The following ADA2 variants were observed in gnomAD, a reference collection of about 807,000 sequenced individuals.
ADA2 encodes adenosine deaminase 2, also known as adenosine deaminase CECR1.
In ADA2, 29 loss-of-function variants were observed where a neutral mutation model predicts 44.2. The ratio of observed to expected loss-of-function variants is 0.66; its 90% CI spans 0.49 to 0.89. The LOEUF is 0.89. Among genes scored for constraint, ADA2 ranks in the 40% least tolerant of loss-of-function variants. The probability of loss-of-function intolerance (pLI) is 0.00; values close to 1 mark genes in which losing one functional copy is unlikely to be tolerated. For missense variants in ADA2, 637 were observed against 644.8 expected (o/e 0.99, Z 0.13); for synonymous variants, 215 against 234.9 (o/e 0.92, Z 0.77).
chr22:17,190,115 T>C, intron 5 of ADA2, 83 bp from the exon 6 acceptor site: 2 of 1,131,658 alleles, frequency 1.8e-6, no homozygotes, highest in South Asian at 2.5e-5. Context: ...CGTGCAGGGC[T>C]GGGCCAGCCC....
chr22:17,199,555 C>G, intron 4 of ADA2: 1 of 1,614,044 alleles, frequency 6.2e-7, no homozygotes, highest in East Asian at 2.2e-5. Context: ...CTACCAGAGC[C>G]CAGTTCCATT....
chr22:17,203,563 C>A lies in ADA2; in HGVS notation c.753G>T (p.Pro251=), dbSNP rs369924229. The change falls in exon 4 of 10, where the codon CCG becomes CCT. Residue 251 remains proline (P), a splice_region_variant and synonymous_variant. Coordinates refer to ENST00000399837, the MANE Select transcript of ADA2 (RefSeq NM_001282225.2). ...LYMEIRARLL[P]VYELSGEHHD... is the part of the protein sequence containing the mutation. Reference sequence around the variant, plus strand: ...GAACAGAGAGGAGAGCTGGGCTCACCGGCAGCAGCCTGGCTCTGATCTCCA... The same window carrying A: ...GAACAGAGAGGAGAGCTGGGCTCACAGGCAGCAGCCTGGCTCTGATCTCCA... 3 of 1,611,048 alleles carry A rather than the reference C, an allele frequency of 1.9e-6. No individual in the cohort carries two copies. The highest frequency in any genetic ancestry group is 2.5e-6 in the Non-Finnish European group (3 of 1,178,878).
At chr22:17,213,735 G>T in intron 1 of ADA2, 1 of 246,514 alleles carries the variant, frequency 4.1e-6, no homozygotes, top group South Asian at 4.3e-5. Context: ...GCAATGGAAA[G>T]GATCCTCAAG....
intron 7 of ADA2, among the ~76,000 whole-genome samples, chr22:17,183,992 T>G (rs997736680): frequency 8.6e-6 from 1 of 116,182 alleles, no homozygotes; most frequent in African/African-American, 3.4e-5. Context: ...GGAGTCTCGC[T>G]CTGTCACCCA....
At chr22:17,217,074 A>C (rs1218135592) in intron 1 of ADA2, among the ~76,000 whole-genome samples, 1 of 152,150 alleles carries the variant, frequency 6.6e-6, no homozygotes, top group Admixed American at 6.5e-5. Flanking sequence ...GAACTTTCAG[A>C]AATTAAAAAC....
intron 2 of ADA2, 141 bp downstream of exon 2, chr22:17,209,215 C>T (rs2062390102): frequency 2.8e-6 from 2 of 718,370 alleles, no homozygotes; most frequent in Non-Finnish European, 4.6e-6. Flanking sequence ...CTAGTCTACC[C>T]ATAAGGACAG....
chr22:17,217,695 C>A (rs2062486722), intron 1 of ADA2, among the ~76,000 whole-genome samples: 1 of 152,098 alleles, frequency 6.6e-6, no homozygotes, highest in Non-Finnish European at 1.5e-5. Context: ...GTAGTCCCAG[C>A]TATTCATGAG....
intron 4 of ADA2, among the ~76,000 whole-genome samples, chr22:17,201,863 C>A (rs1281667404): frequency 6.6e-6 from 1 of 152,074 alleles, no homozygotes. Context: ...ACCCAAAAAT[C>A]AGATTTTTTT....
In ADA2 at chr22:17,207,299, G is replaced by A. The variant is rs2062365572; in HGVS notation, c.323-9C>T. 2 of 1,593,166 alleles carry A rather than the reference G, an allele frequency of 1.3e-6. No individual in the cohort carries two copies. Among genetic ancestry groups the A allele is most frequent in the East Asian group, 2.2e-5 (1 of 44,452 alleles). On this transcript the variant is annotated splice_polypyrimidine_tract_variant and intron_variant, in intron 2 of 9. Transcript: ENST00000399837. ...GAGGTGCAAGGCAGCCCCTGGAGAG[G>A]GAAGAAGAATGGTGAAGACAAAGGG...
chr22:17,204,345 G>A (rs1057313479), intron 3 of ADA2, among the ~76,000 whole-genome samples: 1 of 152,164 alleles, frequency 6.6e-6, no homozygotes, highest in African/African-American at 2.4e-5. Context: ...GGCCAGGCGT[G>A]GTGGCTCACG....
Position 17,209,510 on chromosome 22 carries a change from C to G in ADA2, c.168G>C (p.Glu56Asp). The change falls in exon 2 of 10, where the codon GAG (glutamate) becomes GAC (aspartate). Residue 56 changes from glutamate to aspartate, a missense_variant. Glu to Asp is a conservative substitution (Grantham distance 45). Transcript: ENST00000399837. ...TCATGAGCCTCTCATTGGCCAGCTCCTCCTTGGTGTTCAGCACCAGCCGCC... is the reference window on the plus strand; with the variant it reads ...TCATGAGCCTCTCATTGGCCAGCTCGTCCTTGGTGTTCAGCACCAGCCGCC... Reference protein sequence around the residue: ...LGGRLVLNTKEELANERLMTL... With the variant: ...LGGRLVLNTKDELANERLMTL... The G allele has an allele frequency of 1.9e-6, 3 of 1,614,166 alleles. No homozygotes were observed. The highest frequency in any genetic ancestry group is 2.5e-6 in the Non-Finnish European group (3 of 1,180,036).
intron 5 of ADA2, 141 bp downstream of exon 5, chr22:17,191,542 G>A: frequency 2.2e-6 from 2 of 910,178 alleles, no homozygotes; most frequent in South Asian, 1.6e-5. Flanking sequence ...CTCTCACACA[G>A]GCACAGCACA....
Position 17,181,444 on chromosome 22 carries a change from T to G in ADA2, c.*39A>C, listed in dbSNP as rs1384305808. On this transcript the variant is annotated 3_prime_UTR_variant, in exon 10 of 10. Transcript: ENST00000399837. ...ACGAGTGAGAGGAAGTGACAGCGTG[T>G]GCAAGAAGACAGCTTGTAGAGGGCT... 2 of 1,311,560 alleles carry G rather than the reference T, an allele frequency of 1.5e-6. No homozygotes were observed. Among genetic ancestry groups the G allele is most frequent in the Non-Finnish European group, 2.2e-6 (2 of 903,898 alleles). The allele number at this position is 1,311,560 out of a possible 1,614,324, so 81.2% of individuals were successfully genotyped here.
intron 4 of ADA2, chr22:17,199,438 T>TCTTCCCCTCCCTCCCCTCCTCTAACCA: frequency 2.0e-6 from 2 of 995,470 alleles, no homozygotes; most frequent in Non-Finnish European, 3.2e-6. Flanking sequence ...TCCTCTATCC[T>TCTTCCCCTCCCTCCCCTCCTCTAACCA]CTTCCCCTCC....
intron 9 of ADA2, 40 bp from the exon 10 acceptor site, chr22:17,181,616 G>A: frequency 6.9e-7 from 1 of 1,443,942 alleles, no homozygotes; most frequent in Non-Finnish European, 9.8e-7. Flanking sequence ...CTCAGGGCAG[G>A]GGTTGGGGAA....
chr22:17,219,661 G>GATTTTTTTTTTTTTT (rs1178590006), upstream of ADA2: 1 of 125,660 alleles, frequency 8.0e-6, no homozygotes. Flanking sequence ...TGCATGTGGG[G>GATTTTTTTTTTTTTT]TTTGTTTTTT....
chr22:17,179,984 T>C lies in ADA2; in HGVS notation c.*1499A>G, dbSNP rs1163284245. On this transcript the variant is annotated 3_prime_UTR_variant, in exon 10 of 10. Coordinates refer to ENST00000399837, the MANE Select transcript of ADA2 (RefSeq NM_001282225.2). Reference sequence around the variant, plus strand: ...ATCTCTACTAAAAATACAAAAATTATCCGGGCATGGTGGTGCATGCCTGTA... The same window carrying C: ...ATCTCTACTAAAAATACAAAAATTACCCGGGCATGGTGGTGCATGCCTGTA... 1 of 151,812 alleles carries C rather than the reference T, an allele frequency of 6.6e-6. No individual in the cohort carries two copies. Among genetic ancestry groups the C allele is most frequent in the African/African-American group, 2.4e-5 (1 of 41,302 alleles). 9.4% of individuals were successfully genotyped at this position (151,812 alleles called of 1,614,324 possible).
intron 4 of ADA2, among the ~76,000 whole-genome samples, chr22:17,194,706 T>A (rs1320505787): frequency 1.3e-5 from 2 of 151,892 alleles, no homozygotes; most frequent in Non-Finnish European, 2.9e-5. Flanking sequence ...TACTGAACTT[T>A]AAGGCTGCCA....
intron 1 of ADA2, among the ~76,000 whole-genome samples, chr22:17,215,216 G>A (rs1397013705): frequency 6.6e-6 from 1 of 152,166 alleles, no homozygotes; most frequent in Non-Finnish European, 1.5e-5. Flanking sequence ...GTTCTCCTGT[G>A]TAAATTACAC....
Sources: gnomAD v4.1 joint callset for allele counts (sites outside exome capture counted in the v4.1 genomes callset) on GRCh38, gnomAD v4.1.1 for gene constraint, MANE v1.5 for transcripts, NCBI Gene and HGNC (gene_info 2026-07-23, HGNC 2026-07-21) for gene names.